MED12L: variants seen among roughly 807,000 people sequenced by gnomAD.
The protein encoded by MED12L is mediator complex subunit 12L.
MED12L carries 60 observed loss-of-function variants against 281.3 expected under a neutral mutation model. The observed-to-expected ratio is 0.21, with a 90% CI of 0.17 to 0.26. The LOEUF is 0.26. Ranked by LOEUF, MED12L falls within the 10% of genes least tolerant of loss-of-function variation. The pLI is 1.00. For synonymous variants in MED12L, 974 were observed against 987.2 expected, an observed-to-expected ratio of 0.99 and a Z score of 0.25; for missense variants, 2,146 against 2,680.9, an observed-to-expected ratio of 0.80 and a Z score of 4.41.
chr3:151,239,089 T>G (rs976811428), intron 16 of MED12L, among the ~76,000 whole-genome samples: 4 of 152,202 alleles, frequency 2.6e-5, no homozygotes, highest in Non-Finnish European at 5.9e-5. Flanking sequence ...ATTGACACTG[T>G]GAGGAGGGGC....
rs1280763142 is a variant in MED12L at position 151,366,105 on chromosome 3, A to AT, written c.3327+120dup. On this transcript the variant is annotated intron_variant, in intron 23 of 44. Transcript: ENST00000687756. ...TGATTCAACTGAAATGTTATAAAATATTTTTTCTTTCTCTGTCCAAAAGCA... is the reference window on the plus strand; with the variant it reads ...TGATTCAACTGAAATGTTATAAAATATTTTTTTCTTTCTCTGTCCAAAAGCA... The AT allele has an allele frequency of 5.3e-6, 5 of 945,668 alleles. No homozygotes were observed. In the Middle Eastern group the frequency reaches 9.4e-4, roughly 178 times the overall value. 58.6% of individuals were successfully genotyped at this position (945,668 alleles called of 1,614,324 possible).
chr3:151,353,150 G>C (rs1753448895), intron 17 of MED12L, among the ~76,000 whole-genome samples: 1 of 152,142 alleles, frequency 6.6e-6, no homozygotes, highest in Non-Finnish European at 1.5e-5. Flanking sequence ...GCACTTGGGA[G>C]TTTTTAGTAG....
chr3:151,116,174 G>A (rs1712780470), intron 2 of MED12L, among the ~76,000 whole-genome samples, 164 bp from the exon 3 acceptor site: 5 of 151,050 alleles, frequency 3.3e-5, no homozygotes, highest in African/African-American at 9.7e-5. Flanking sequence ...ATGTGTTTAT[G>A]TATTGGTGTT....
At chr3:151,365,757 A>G in intron 22 of MED12L, 93 bp from the exon 23 acceptor site, 1 of 1,119,942 alleles carries the variant, frequency 8.9e-7, no homozygotes, top group South Asian at 2.1e-5. Context: ...GACTTGTTTG[A>G]TGTTAGTGAA....
At chr3:151,425,807 A>G in intron 43 of MED12L, 1 of 450,786 alleles carries the variant, frequency 2.2e-6, no homozygotes, top group South Asian at 1.6e-5. Context: ...CACAGTACTA[A>G]GGATACAAAA....
intron 16 of MED12L, among the ~76,000 whole-genome samples, chr3:151,207,388 C>T (rs756137245): frequency 6.6e-5 from 10 of 151,972 alleles, no homozygotes; most frequent in South Asian, 2.1e-4. Flanking sequence ...TGTGGGAATC[C>T]GGGTATTGTA....
intron 16 of MED12L, among the ~76,000 whole-genome samples, chr3:151,216,088 C>T (rs575095831): frequency 6.6e-6 from 1 of 152,328 alleles, no homozygotes; most frequent in African/African-American, 2.4e-5. Flanking sequence ...CTCTCTCCAG[C>T]TGTTTGTCTC....
intron 31 of MED12L, 86 bp from the exon 32 acceptor site, chr3:151,380,027 A>T: frequency 3.7e-6 from 3 of 817,304 alleles, no homozygotes; most frequent in Non-Finnish European, 5.8e-6. Flanking sequence ...TATTTATCTA[A>T]TAGTGAGGCA....
At chr3:151,350,000 A>G (rs1489455137) in intron 16 of MED12L, 59 bp from the exon 17 acceptor site, 45 of 1,539,322 alleles carry the variant, frequency 2.9e-5, no homozygotes, top group Non-Finnish European at 3.7e-5. Flanking sequence ...TTTCAGGGAT[A>G]TGAAATGCAA....
intron 5 of MED12L, among the ~76,000 whole-genome samples, chr3:151,155,782 G>A (rs542684111): frequency 2.3e-4 from 35 of 152,224 alleles, no homozygotes; most frequent in East Asian, 7.7e-4. Flanking sequence ...TCCCCTTCAC[G>A]ATTCTGTCCT....
chr3:151,404,727 T>A (rs1279851533), intron 39 of MED12L, among the ~76,000 whole-genome samples: 2 of 152,222 alleles, frequency 1.3e-5, no homozygotes, highest in Non-Finnish European at 2.9e-5. Flanking sequence ...ATATAACTTG[T>A]CTCTCTACTT....
chr3:151,147,864 A>G (rs940420610), intron 5 of MED12L, among the ~76,000 whole-genome samples: 4 of 152,212 alleles, frequency 2.6e-5, no homozygotes, highest in Admixed American at 2.6e-4. Context: ...TCTCTTAGAT[A>G]TACAGGCTAG....
chr3:151,256,670 T>C (rs1737866891), intron 16 of MED12L, among the ~76,000 whole-genome samples: 1 of 152,216 alleles, frequency 6.6e-6, no homozygotes, highest in African/African-American at 2.4e-5. Context: ...GATGAGTTTC[T>C]CGTATTTTAA....
At chr3:151,335,020 CACAA>C (rs1750800235) in intron 16 of MED12L, among the ~76,000 whole-genome samples, 1 of 152,024 alleles carries the variant, frequency 6.6e-6, no homozygotes, top group Non-Finnish European at 1.5e-5. Flanking sequence ...TTTTTTTCCT[CACAA>C]ACATTTGAAA....
chr3:151,097,733 G>A (rs768408045), intron 2 of MED12L, among the ~76,000 whole-genome samples: 2 of 152,168 alleles, frequency 1.3e-5, no homozygotes, highest in African/African-American at 4.8e-5. Context: ...CATATAGTGA[G>A]TAGAAGCCAG....
intron 16 of MED12L, among the ~76,000 whole-genome samples, chr3:151,217,777 A>G (rs531706361): frequency 6.6e-5 from 10 of 152,272 alleles, no homozygotes; most frequent in Non-Finnish European, 1.3e-4. Context: ...GAACTCTTAA[A>G]TATTGATTTT....
chr3:151,295,077 T>A, intron 16 of MED12L: 1 of 1,613,842 alleles, frequency 6.2e-7, no homozygotes, highest in Non-Finnish European at 8.5e-7. Context: ...TTCAGCAAGA[T>A]GCTTGCCACA....
chr3:151,360,581 G>A lies in MED12L; in HGVS notation c.2933G>A (p.Arg978Lys), dbSNP rs765319299. The change falls in exon 21 of 45, where the codon AGA becomes AAA. Residue 978 changes from arginine (R) to lysine (K), a missense_variant. Physicochemically the swap from Arg to Lys is conservative, Grantham distance 26. This residue lies in a region of MED12L where 404 missense variants were observed against 603.5 expected (regional missense o/e 0.67). Transcript: ENST00000687756. Reference protein sequence around the residue: ...YDLYVSCSHLRSKFGDLFSSA... With the variant: ...YDLYVSCSHLKSKFGDLFSSA... ...CTCTATGTGTCATGTAGCCACCTCA[G>A]AAGTAAATTTGGAGACCTCTTCAGG... The A allele has an allele frequency of 1.9e-6, 3 of 1,612,476 alleles. No individual in the cohort carries two copies. In the South Asian group the frequency reaches 3.3e-5, roughly 18 times the overall value.
intron 11 of MED12L, among the ~76,000 whole-genome samples, chr3:151,179,595 G>T (rs1722473469): frequency 6.6e-6 from 1 of 152,220 alleles, no homozygotes; most frequent in African/African-American, 2.4e-5. Context: ...AGCAGTAGGG[G>T]TACTGCTCCT....
Sources: gnomAD v4.1 joint callset for allele counts (sites outside exome capture counted in the v4.1 genomes callset) on GRCh38, gnomAD v4.1.1 for gene constraint, gnomAD v4.1.1 regional missense constraint, MANE v1.5 for transcripts, NCBI Gene and HGNC (gene_info 2026-07-23, HGNC 2026-07-21) for gene names.